IQANK1: variants seen among roughly 807,000 people sequenced by gnomAD.
The protein encoded by IQANK1 is IQ motif and ankyrin repeat domain-containing protein 1.
In IQANK1, 30 loss-of-function variants were observed where a neutral mutation model predicts 22.6. The ratio of observed to expected loss-of-function variants is 1.33; its 90% CI spans 0.99 to 1.80. IQANK1 has a LOEUF of 1.80. Ranked by LOEUF, IQANK1 falls within the 40% of genes most tolerant of loss-of-function variation. The pLI is 0.00. For missense variants in IQANK1, 275 were observed against 235.2 expected (o/e 1.17, Z -1.11); for synonymous variants, 122 against 99.6 (o/e 1.23, Z -1.34).
At chr8:143,777,531 A>C (rs1239232422) in intron 7 of IQANK1, among the ~76,000 whole-genome samples, 17 of 150,946 alleles carry the variant, frequency 1.1e-4, no homozygotes, top group African/African-American at 4.1e-4. Context: ...AAAAAAAAAA[A>C]AAAAAAAACA....
At chr8:143,743,826 A>G (rs1554626932) in intron 3 of IQANK1, 2 of 429,782 alleles carry the variant, frequency 4.7e-6, no homozygotes, top group Non-Finnish European at 9.1e-6. Context: ...TAGTTTCTGA[A>G]TACTTATTGG....
chr8:143,748,016 T>C (rs1310253542), intron 3 of IQANK1, among the ~76,000 whole-genome samples: 14 of 149,412 alleles, frequency 9.4e-5, no homozygotes, highest in African/African-American at 3.5e-4. Flanking sequence ...TTTCTTTTCT[T>C]AGGGTTTCAC....
intron 3 of IQANK1, among the ~76,000 whole-genome samples, chr8:143,747,357 C>G (rs1819051956): frequency 6.6e-6 from 1 of 152,068 alleles, no homozygotes; most frequent in Non-Finnish European, 1.5e-5. Flanking sequence ...TTTATATTCT[C>G]TATTTTGTCT....
intron 3 of IQANK1, among the ~76,000 whole-genome samples, chr8:143,752,996 G>GTTTTTCTTTTT (rs1819222716): frequency 1.4e-5 from 1 of 69,906 alleles, no homozygotes; most frequent in African/African-American, 6.2e-5. Context: ...CTCTCTGTTC[G>GTTTTTCTTTTT]TTTTTTTTTT....
In IQANK1 at chr8:143,734,418, C is replaced by T. The variant is rs114452617; in HGVS notation, c.-5+199C>T. Among the ~76,000 whole-genome samples, 804 of 151,296 alleles carry T rather than the reference C, an allele frequency of 5.3e-3. 5 individuals are homozygous for T. Among genetic ancestry groups the T allele is most frequent in the African/African-American group, 0.018 (721 of 41,188 alleles). On this transcript the variant is annotated intron_variant, in intron 1 of 13. Coordinates refer to ENST00000527139, the MANE Select transcript of IQANK1 (RefSeq NM_001381874.1). ...GATGCCCACAAGTACCTGGGGTCCC[C>T]CATCTTTCTCCCTCACCCCCTCACA...
At chr8:143,761,540 C>T (rs1254135231) in intron 3 of IQANK1, among the ~76,000 whole-genome samples, 1 of 152,126 alleles carries the variant, frequency 6.6e-6, no homozygotes, top group Non-Finnish European at 1.5e-5. Flanking sequence ...GAGGCCTATG[C>T]GGGAGGATTG....
At position 143,739,921 on chromosome 8, in the gene IQANK1, T is replaced by A. The variant is rs1407252878; in HGVS notation, c.148T>A (p.Ser50Thr). 3 of 699,456 alleles carry A rather than the reference T, an allele frequency of 4.3e-6. No homozygotes were observed. Among genetic ancestry groups the A allele is most frequent in the African/African-American group, 3.5e-5 (2 of 57,126 alleles). 43.3% of individuals were successfully genotyped at this position (699,456 alleles called of 1,614,324 possible). Reference protein sequence around the residue: ...KAGWQAREPASAESPQAPTGP... With the variant: ...KAGWQAREPATAESPQAPTGP... ...GGGCTGGCAGGCGAGGGAGCCCGCGTCGGCTGAGAGCCCACAGGCCCCCAC... is the reference window on the plus strand; with the variant it reads ...GGGCTGGCAGGCGAGGGAGCCCGCGACGGCTGAGAGCCCACAGGCCCCCAC... Residue 50 changes from serine (S) to threonine (T), a missense_variant, in exon 3 of 14, where the codon TCG becomes ACG. Transcript: ENST00000527139.
rs1455285377 is a variant in IQANK1, at chr8:143,771,865, C to A, written c.371C>A (p.Ala124Glu). ...CGGCGGCTGCGCGAGCAGGAGGAGG[C>A]GGCGCAGCGGGAGCGGCGGGAGGAG... ...AARRLREQEE[A>E]AQRERREELQ... is the part of the protein sequence containing the mutation. The change falls in exon 5 of 14, where the codon GCG (alanine) becomes GAG (glutamate). Residue 124 changes from alanine (A) to glutamate (E), a missense_variant. Transcript: ENST00000527139. This position sits in a 1 kb window ranked among gnomAD's most constrained non-coding sequence, Gnocchi z 6.0. 1.3e-5 allele frequency: 5 copies of A among 393,638 alleles called. No homozygotes were observed. Among genetic ancestry groups the A allele is most frequent in the African/African-American group, 4.2e-5 (2 of 47,950 alleles). 24.4% of individuals were successfully genotyped at this position (393,638 alleles called of 1,614,324 possible). A position where few individuals can be genotyped will look rare whatever the true frequency, so the allele number is the denominator to read the frequency against.
intron 7 of IQANK1, among the ~76,000 whole-genome samples, 181 bp downstream of exon 7, chr8:143,772,663 G>A (rs572250165): frequency 1.3e-5 from 2 of 152,284 alleles, no homozygotes; most frequent in South Asian, 2.1e-4. Flanking sequence ...TGAGTGGCCT[G>A]CTAGAGCGGT....
intron 3 of IQANK1, among the ~76,000 whole-genome samples, chr8:143,748,999 C>CATATATAAATATATCATAT (rs1305269725): frequency 2.8e-5 from 2 of 71,210 alleles, no homozygotes; most frequent in Non-Finnish European, 4.9e-5. Context: ...AAATATATAT[C>CATATATAAATATATCATAT]ATAAATATAT....
intron 3 of IQANK1, among the ~76,000 whole-genome samples, chr8:143,741,301 A>G (rs1313577663): frequency 2.6e-5 from 4 of 152,092 alleles, no homozygotes; most frequent in Non-Finnish European, 5.9e-5. Context: ...AGGGAGCTCC[A>G]TCTTGTCGAG....
At chr8:143,747,984 C>T (rs1435771937) in intron 3 of IQANK1, among the ~76,000 whole-genome samples, 5 of 125,170 alleles carry the variant, frequency 4.0e-5, no homozygotes, top group Non-Finnish European at 5.0e-5. Flanking sequence ...CTTTCCTTTC[C>T]CTTTCCTTTC....
In IQANK1 at chr8:143,784,425, C is replaced by A. The variant is rs554945059; in HGVS notation, c.790-4490C>A. ...ATGATTGTAAGTTTCCTGAGGTATC[C>A]CTAGCCATACTTCCTGTACAGCCTG... On this transcript the variant is annotated intron_variant, in intron 7 of 13. Transcript: ENST00000527139. 2.6e-5 allele frequency among the ~76,000 whole-genome samples: 4 copies of A among 152,210 alleles called. 1 individual carries two copies. The highest frequency in any genetic ancestry group is 7.2e-5 in the African/African-American group (3 of 41,538).
chr8:143,768,855 T>G (rs1819524536), intron 3 of IQANK1, among the ~76,000 whole-genome samples: 1 of 152,184 alleles, frequency 6.6e-6, no homozygotes, highest in Non-Finnish European at 1.5e-5. Context: ...TGGATTTTTA[T>G]GTGCATCATC....
intron 3 of IQANK1, chr8:143,745,234 A>G (rs1182554060): frequency 1.3e-5 from 2 of 152,258 alleles, no homozygotes; most frequent in Non-Finnish European, 2.9e-5. Context: ...TCCGGCTGGC[A>G]GAGCCTGACG....
At chr8:143,759,040 GTGGGATGAGGCCC>G (rs1420671312) in intron 3 of IQANK1, 5 of 226,386 alleles carry the variant, frequency 2.2e-5, no homozygotes, top group South Asian at 6.2e-5. Flanking sequence ...GTCCCAATCG[GTGGGATGAGGCCC>G]TGGGATGAGG....
At chr8:143,754,086 CT>C (rs1819244224) in intron 3 of IQANK1, among the ~76,000 whole-genome samples, 1 of 152,030 alleles carries the variant, frequency 6.6e-6, no homozygotes, top group South Asian at 2.1e-4. Flanking sequence ...ATGTCCTAGC[CT>C]TTCATGTTTG....
chr8:143,736,248 T>C (rs1554625654), intron 2 of IQANK1, among the ~76,000 whole-genome samples: 2 of 152,016 alleles, frequency 1.3e-5, no homozygotes, highest in Non-Finnish European at 2.9e-5. Context: ...CAAGTGAGTC[T>C]TGTGCTTCAG....
At chr8:143,787,971 C>T (rs1437134392) in intron 7 of IQANK1, among the ~76,000 whole-genome samples, 15 of 152,206 alleles carry the variant, frequency 9.9e-5, no homozygotes, top group African/African-American at 3.4e-4. Context: ...CTTCTTCTCC[C>T]AGGCCTCTGC....
Sources: allele counts gnomAD v4.1 joint callset (sites outside exome capture counted in the v4.1 genomes callset), GRCh38; gene constraint gnomAD v4.1.1; non-coding constraint Gnocchi (gnomAD v3.1); transcripts MANE v1.5; gene names NCBI Gene and HGNC (gene_info 2026-07-23, HGNC 2026-07-21).